The following CYB5R4 variants were observed in gnomAD, a reference collection of about 807,000 sequenced individuals.
CYB5R4 encodes cytochrome b5 reductase 4, also known as N-terminal cytochrome b5 and cytochrome b5 oxidoreductase domain-containing protein.
A neutral mutation model predicts 70.2 loss-of-function variants in CYB5R4; 55 were observed. The ratio of observed to expected loss-of-function variants is 0.78; its 90% CI spans 0.63 to 0.98. The LOEUF is 0.98. CYB5R4 is among the 50% of genes least tolerant of loss of function. The pLI, the probability that CYB5R4 is intolerant of heterozygous loss-of-function variation, is 0.00. For synonymous variants in CYB5R4, 197 were observed against 199.5 expected (o/e 0.99, Z 0.11); for missense variants, 562 against 612.6 (o/e 0.92, Z 0.87).
Position 83,936,248 on chromosome 6 carries a change from C to T in CYB5R4, c.980C>T (p.Thr327Ile), listed in dbSNP as rs772924383. ...ITGTEIVKPY[T>I]PVSGSLLSEF... Reference sequence around the variant, plus strand: ...GGTACAGAAATAGTAAAGCCATATACACCTGTATCTGGTTCCTTACTCTCA... The same window carrying T: ...GGTACAGAAATAGTAAAGCCATATATACCTGTATCTGGTTCCTTACTCTCA... The change falls in exon 12 of 16, where the codon ACA becomes ATA. Residue 327 changes from threonine to isoleucine, a missense_variant. Physicochemically the swap from Thr to Ile is moderately conservative, Grantham distance 89 (BLOSUM62 -1). Coordinates refer to ENST00000369681, the MANE Select transcript of CYB5R4 (RefSeq NM_016230.4). 1.9e-6 allele frequency: 3 copies of T among 1,589,720 alleles called. No individual in the cohort carries two copies. The highest frequency in any genetic ancestry group is 1.9e-5 in the Admixed American group (1 of 51,402).
At chr6:83,890,009 A>G (rs1676436482) in intron 2 of CYB5R4, among the ~76,000 whole-genome samples, 4 of 152,198 alleles carry the variant, frequency 2.6e-5, no homozygotes, top group Admixed American at 2.0e-4. Flanking sequence ...TTACAATTCA[A>G]CATGAGATTT....
At chr6:83,954,942 C>G (rs2099472105) in intron 14 of CYB5R4, among the ~76,000 whole-genome samples, 1 of 150,058 alleles carries the variant, frequency 6.7e-6, no homozygotes, top group Non-Finnish European at 1.5e-5. Context: ...AACTAGGTCT[C>G]ACTGTGTTGC....
chr6:83,863,083 C>T (rs1237184946), intron 1 of CYB5R4, among the ~76,000 whole-genome samples: 2 of 152,192 alleles, frequency 1.3e-5, no homozygotes. Flanking sequence ...ATAGAGATAT[C>T]TTGAAAATGT....
Position 83,966,425 on chromosome 6 carries a change from C to T in CYB5R4, c.*6547C>T, listed in dbSNP as rs1448362211. On this transcript the variant is annotated 3_prime_UTR_variant, in exon 16 of 16. Coordinates refer to ENST00000369681, the MANE Select transcript of CYB5R4 (RefSeq NM_016230.4). ...TAAAAAGGAGGCCTGTGTGCGGTGG[C>T]TCATGCCTGTAATCCCAGCACTTTG... is the stretch of plus-strand genomic sequence containing the variant. 1 of 152,186 alleles carries T rather than the reference C, an allele frequency of 6.6e-6. No homozygotes were observed. Among genetic ancestry groups the T allele is most frequent in the East Asian group, 1.9e-4 (1 of 5,192 alleles). The allele number at this position is 152,186 out of a possible 1,614,324, so 9.4% of individuals were successfully genotyped here.
intron 14 of CYB5R4, among the ~76,000 whole-genome samples, chr6:83,944,396 G>A (rs537672502): frequency 3.9e-5 from 6 of 152,228 alleles, no homozygotes; most frequent in South Asian, 4.1e-4. Context: ...GAGGGATTTC[G>A]TCACCACCAG....
chr6:83,907,300 G>A (rs1043495050), intron 3 of CYB5R4, among the ~76,000 whole-genome samples: 19 of 152,126 alleles, frequency 1.2e-4, no homozygotes, highest in African/African-American at 4.3e-4. Flanking sequence ...TTGCAGAAAG[G>A]TTGTTTAAAT....
chr6:83,901,365 C>T (rs1034751308), intron 3 of CYB5R4, among the ~76,000 whole-genome samples: 25 of 152,154 alleles, frequency 1.6e-4, no homozygotes, highest in Non-Finnish European at 2.4e-4. Context: ...GTGGGTTACC[C>T]GACCTTTCTC....
At chr6:83,946,950 G>A (rs1466143392) in intron 14 of CYB5R4, among the ~76,000 whole-genome samples, 1 of 152,092 alleles carries the variant, frequency 6.6e-6, no homozygotes, top group African/African-American at 2.4e-5. Context: ...TGATGGATAG[G>A]AAGAATCAAT....
At chr6:83,945,814 AGAT>A (rs748577676) in intron 14 of CYB5R4, among the ~76,000 whole-genome samples, 17 of 152,230 alleles carry the variant, frequency 1.1e-4, no homozygotes, top group Non-Finnish European at 1.9e-4. Flanking sequence ...ATAAAGTAGA[AGAT>A]CTAGAAGAAG....
chr6:83,941,550 G>A (rs996084364), intron 14 of CYB5R4, among the ~76,000 whole-genome samples: 3 of 152,100 alleles, frequency 2.0e-5, no homozygotes, highest in South Asian at 2.1e-4. Flanking sequence ...CTGTCCAGGG[G>A]CTCGAGGTTC....
At chr6:83,911,133 G>A (rs368489672) in intron 4 of CYB5R4, among the ~76,000 whole-genome samples, 18 of 152,216 alleles carry the variant, frequency 1.2e-4, no homozygotes, top group African/African-American at 2.6e-4. Flanking sequence ...GGCTAGGTGC[G>A]GTGGCTCATG....
At chr6:83,943,010 G>A (rs2099470005) in intron 14 of CYB5R4, among the ~76,000 whole-genome samples, 1 of 152,146 alleles carries the variant, frequency 6.6e-6, no homozygotes, top group South Asian at 2.1e-4. Flanking sequence ...AGAGTGCCTG[G>A]GGGAAGGGGC....
chr6:83,955,111 G>C (rs1231455809), intron 14 of CYB5R4, among the ~76,000 whole-genome samples, 187 bp from the exon 15 acceptor site: 1 of 151,850 alleles, frequency 6.6e-6, no homozygotes, highest in African/African-American at 2.4e-5. Flanking sequence ...CTAATCCTTA[G>C]TAAATATAGA....
intron 2 of CYB5R4, among the ~76,000 whole-genome samples, chr6:83,866,321 C>T (rs975916325): frequency 3.3e-5 from 5 of 152,082 alleles, no homozygotes; most frequent in African/African-American, 1.2e-4. Flanking sequence ...TATCCCTTAT[C>T]CAAAATGCTT....
At chr6:83,954,591 A>T (rs2099472043) in intron 14 of CYB5R4, among the ~76,000 whole-genome samples, 1 of 151,780 alleles carries the variant, frequency 6.6e-6, no homozygotes, top group Non-Finnish European at 1.5e-5. Context: ...TCTCATCTTT[A>T]TGTTCTTATG....
intron 6 of CYB5R4, 142 bp from the exon 7 acceptor site, chr6:83,919,255 A>G (rs932177286): frequency 2.8e-5 from 14 of 491,560 alleles, no homozygotes; most frequent in Middle Eastern, 5.5e-4. Context: ...TAACATGGTA[A>G]GACCAGTTTA....
At chr6:83,909,422 A>C (rs1352127243) in intron 4 of CYB5R4, among the ~76,000 whole-genome samples, 2 of 152,186 alleles carry the variant, frequency 1.3e-5, no homozygotes, top group Non-Finnish European at 2.9e-5. Context: ...TTATACAGTG[A>C]AATTTTCCCT....
At position 83,960,168 on chromosome 6, in the gene CYB5R4, G is replaced by A. The variant is rs2099473101; in HGVS notation, c.*290G>A. On this transcript the variant is annotated 3_prime_UTR_variant, in exon 16 of 16. Coordinates refer to ENST00000369681, the MANE Select transcript of CYB5R4 (RefSeq NM_016230.4). ...TCCTTGCCATTTAAATTATATCACT[G>A]TTCTACAATAAGCACTTGTGTTTTA... The A allele has an allele frequency of 4.1e-6, 1 of 246,288 alleles. No homozygotes were observed. The highest frequency in any genetic ancestry group is 7.7e-6 in the Non-Finnish European group (1 of 129,824). The allele number at this position is 246,288 out of a possible 1,614,324, so 15.3% of individuals were successfully genotyped here. A position where few individuals can be genotyped will look rare whatever the true frequency, so the allele number is the denominator to read the frequency against.
chr6:83,908,328 T>TTTG (rs1320831362), intron 3 of CYB5R4, among the ~76,000 whole-genome samples: 2 of 152,156 alleles, frequency 1.3e-5, no homozygotes, highest in African/African-American at 4.8e-5. Flanking sequence ...GATGTGCAGG[T>TTTG]TTGTTATGTA....
Sources: gnomAD v4.1 joint callset for allele counts (sites outside exome capture counted in the v4.1 genomes callset) on GRCh38, gnomAD v4.1.1 for gene constraint, MANE v1.5 for transcripts, NCBI Gene and HGNC (gene_info 2026-07-23, HGNC 2026-07-21) for gene names.